Variants in GRID1 observed in about 807,000 individuals in gnomAD.
The protein encoded by GRID1 is glutamate ionotropic receptor delta type subunit 1.
Under a neutral mutation model 98.0 loss-of-function variants are expected in GRID1, and 28 were observed. The ratio of observed to expected loss-of-function variants is 0.29; its 90% CI spans 0.21 to 0.39. The LOEUF (loss-of-function observed/expected upper bound fraction) is 0.39, where lower values mean the gene tolerates loss of function less well. GRID1 is among the 10% of genes least tolerant of loss of function. GRID1 has a pLI of 1.00. For synonymous variants in GRID1, 553 were observed against 538.5 expected (o/e 1.03, Z -0.37); for missense variants, 1,111 against 1,340.5 (o/e 0.83, Z 2.67).
chr10:86,008,352 C>T (rs566895813), intron 4 of GRID1, among the ~76,000 whole-genome samples: 2 of 152,004 alleles, frequency 1.3e-5, no homozygotes, highest in South Asian at 4.2e-4. Context: ...AGTATCAAGC[C>T]CCAGGATTTC....
chr10:86,014,503 A>T (rs1180335901), intron 4 of GRID1, among the ~76,000 whole-genome samples: 1 of 152,234 alleles, frequency 6.6e-6, no homozygotes, highest in Non-Finnish European at 1.5e-5. Flanking sequence ...CAGGCCCTGG[A>T]GCCACAAGAA....
At chr10:85,715,135 G>A (rs1049937191) in intron 12 of GRID1, among the ~76,000 whole-genome samples, 1 of 152,046 alleles carries the variant, frequency 6.6e-6, no homozygotes, top group Non-Finnish European at 1.5e-5. Context: ...CACACAATGG[G>A]GAAGACAGTC....
At position 86,320,087 on chromosome 10, in the gene GRID1, G is replaced by A. The variant is rs114822520; in HGVS notation, c.235+43854C>T. ...TGGCAGAGGTGGGAGAAATAGAGCC[G>A]GCAGAGCGCGAAAACTCAATTTATA... is the stretch of plus-strand genomic sequence containing the variant. On this transcript the variant is annotated intron_variant, in intron 2 of 15. Coordinates refer to ENST00000327946, the MANE Select transcript of GRID1 (RefSeq NM_017551.3). Among the ~76,000 whole-genome samples, 831 of 152,330 alleles carry A rather than the reference G, an allele frequency of 5.5e-3. 10 individuals are homozygous for A. The highest frequency in any genetic ancestry group is 0.019 in the African/African-American group (788 of 41,572).
chr10:86,045,545 T>C (rs559680059), intron 4 of GRID1, among the ~76,000 whole-genome samples: 1 of 151,996 alleles, frequency 6.6e-6, no homozygotes, highest in African/African-American at 2.4e-5. Context: ...AGGAGAGGAA[T>C]GTGGCTTATA....
In GRID1 at chr10:85,993,076, C is replaced by T. The variant is rs138707674; in HGVS notation, c.727-76837G>A. On this transcript the variant is annotated intron_variant, in intron 4 of 15. Transcript: ENST00000327946. ...TATAAAAAGGACACCTCCTGAGGGA[C>T]ACGGAATGTGAAGGGAATAAGACTT... Among the ~76,000 whole-genome samples, 508 of 152,288 alleles carry T rather than the reference C, an allele frequency of 3.3e-3. 2 individuals are homozygous for T. The highest frequency in any genetic ancestry group is 0.012 in the African/African-American group (481 of 41,550).
At chr10:86,028,153 C>T (rs1028412238) in intron 4 of GRID1, among the ~76,000 whole-genome samples, 2 of 152,188 alleles carry the variant, frequency 1.3e-5, no homozygotes, top group Non-Finnish European at 2.9e-5. Flanking sequence ...CCTGCATCTC[C>T]ACCCAATACT....
intron 5 of GRID1, among the ~76,000 whole-genome samples, chr10:85,874,662 C>G (rs951423058): frequency 6.6e-6 from 1 of 152,186 alleles, no homozygotes; most frequent in Non-Finnish European, 1.5e-5. Context: ...AGGCTACAAA[C>G]CCATCTAACT....
At chr10:85,791,950 A>G (rs972219743) in intron 8 of GRID1, among the ~76,000 whole-genome samples, 2 of 152,118 alleles carry the variant, frequency 1.3e-5, no homozygotes, top group Non-Finnish European at 2.9e-5. Context: ...ATGCAGTGTC[A>G]GAAATAAGAG....
At chr10:86,043,653 A>G (rs1387250429) in intron 4 of GRID1, among the ~76,000 whole-genome samples, 1 of 152,256 alleles carries the variant, frequency 6.6e-6, no homozygotes, top group African/African-American at 2.4e-5. Context: ...TCACAGCTCA[A>G]TTGAATTCAA....
intron 4 of GRID1, among the ~76,000 whole-genome samples, chr10:86,137,953 A>G (rs1349212264): frequency 2.0e-5 from 3 of 152,178 alleles, no homozygotes; most frequent in Non-Finnish European, 4.4e-5. Context: ...GTTTCACTTC[A>G]GTTTACTTTC....
At chr10:86,004,124 G>A (rs1842832284) in intron 4 of GRID1, among the ~76,000 whole-genome samples, 2 of 152,154 alleles carry the variant, frequency 1.3e-5, no homozygotes, top group Admixed American at 6.5e-5. Context: ...AACAGACAGG[G>A]TAAGTAACTT....
At chr10:85,983,992 A>G (rs1253447590) in intron 4 of GRID1, among the ~76,000 whole-genome samples, 1 of 151,626 alleles carries the variant, frequency 6.6e-6, no homozygotes, top group African/African-American at 2.4e-5. Flanking sequence ...CTGCTCCTCC[A>G]TCTCCTCTGG....
chr10:86,125,980 G>A (rs752080544), intron 4 of GRID1, among the ~76,000 whole-genome samples: 31 of 152,268 alleles, frequency 2.0e-4, no homozygotes, highest in Non-Finnish European at 4.0e-4. Flanking sequence ...TAAGTTTTGG[G>A]GGAGTCAAAA....
At chr10:85,708,601 G>T (rs1042442028) in intron 12 of GRID1, among the ~76,000 whole-genome samples, 3 of 152,170 alleles carry the variant, frequency 2.0e-5, no homozygotes, top group Non-Finnish European at 4.4e-5. Flanking sequence ...ATTGGAAAAT[G>T]ATCATTTCAT....
chr10:85,712,624 C>A (rs1253891944), intron 12 of GRID1, among the ~76,000 whole-genome samples: 1 of 151,844 alleles, frequency 6.6e-6, no homozygotes, highest in Admixed American at 6.6e-5. Context: ...AATACACATT[C>A]TTTTTCAACT....
At chr10:86,231,032 T>G (rs1464291434) in intron 2 of GRID1, among the ~76,000 whole-genome samples, 3 of 152,176 alleles carry the variant, frequency 2.0e-5, no homozygotes, top group African/African-American at 7.2e-5. Context: ...CTGGGCTGTT[T>G]CCAAGGTCTC....
intron 13 of GRID1, among the ~76,000 whole-genome samples, chr10:85,639,666 G>C (rs1318082070): frequency 6.6e-6 from 1 of 152,190 alleles, no homozygotes; most frequent in African/African-American, 2.4e-5. Context: ...CTGAGGTCGG[G>C]AGTTTGAGAC....
At chr10:86,106,436 G>C (rs575735366) in intron 4 of GRID1, among the ~76,000 whole-genome samples, 11 of 152,072 alleles carry the variant, frequency 7.2e-5, no homozygotes, top group Admixed American at 2.0e-4. Context: ...TCAGGTGTGG[G>C]AATACAGGGA....
intron 8 of GRID1, among the ~76,000 whole-genome samples, chr10:85,807,660 A>T (rs1842634966): frequency 6.6e-6 from 1 of 152,134 alleles, no homozygotes; most frequent in African/African-American, 2.4e-5. Context: ...GATATGCAAA[A>T]CATGATCAAA....
Sources: gnomAD v4.1 joint callset for allele counts (sites outside exome capture counted in the v4.1 genomes callset) on GRCh38, gnomAD v4.1.1 for gene constraint, MANE v1.5 for transcripts, NCBI Gene and HGNC (gene_info 2026-07-23, HGNC 2026-07-21) for gene names.